Variants in CDH13 observed in about 807,000 individuals in gnomAD.
The protein encoded by CDH13 is cadherin-13.
Under a neutral mutation model 63.8 loss-of-function variants are expected in CDH13, and 24 were observed. The ratio of observed to expected loss-of-function variants is 0.38; its 90% CI spans 0.27 to 0.53. The LOEUF (loss-of-function observed/expected upper bound fraction) is 0.53. Among genes scored for constraint, CDH13 ranks in the 20% least tolerant of loss-of-function variants. The probability of loss-of-function intolerance (pLI) is 0.85; values close to 1 mark genes in which losing one functional copy is unlikely to be tolerated. For synonymous variants in CDH13, 503 were observed against 355.3 expected (o/e 1.42, Z -4.67); for missense variants, 1,049 against 903.1 (o/e 1.16, Z -2.07).
At chr16:83,355,813 C>G (rs1235232612) in intron 6 of CDH13, among the ~76,000 whole-genome samples, 1 of 152,162 alleles carries the variant, frequency 6.6e-6, no homozygotes, top group Admixed American at 6.5e-5. Context: ...GGGAGCATCT[C>G]TCTAGGATTA....
At chr16:83,728,631 C>T (rs1910703452) in intron 10 of CDH13, among the ~76,000 whole-genome samples, 1 of 152,108 alleles carries the variant, frequency 6.6e-6, no homozygotes, top group South Asian at 2.1e-4. Flanking sequence ...GTCTCTCGGC[C>T]TTCAAAGCAC....
At chr16:82,872,906 G>C (rs1253947977) in intron 2 of CDH13, among the ~76,000 whole-genome samples, 1 of 152,212 alleles carries the variant, frequency 6.6e-6, no homozygotes, top group Non-Finnish European at 1.5e-5. Context: ...GATAAAAAAT[G>C]TGCCTCCTGC....
chr16:82,700,363 G>T (rs1002779092), intron 1 of CDH13, among the ~76,000 whole-genome samples: 8 of 152,190 alleles, frequency 5.3e-5, no homozygotes, highest in South Asian at 2.1e-4. Context: ...CGTAAAACGT[G>T]ACCAACGTTC....
At chr16:83,090,614 A>G (rs1031057426) in intron 3 of CDH13, among the ~76,000 whole-genome samples, 1 of 151,780 alleles carries the variant, frequency 6.6e-6, no homozygotes, top group Non-Finnish European at 1.5e-5. Context: ...CTGCTCAAAG[A>G]GAAGTCAGAA....
At chr16:83,786,300 G>A (rs1915873978) in intron 13 of CDH13, among the ~76,000 whole-genome samples, 1 of 152,158 alleles carries the variant, frequency 6.6e-6, no homozygotes, top group African/African-American at 2.4e-5. Flanking sequence ...TGTGTGATAA[G>A]AGCAACGTGT....
At chr16:82,892,509 A>T (rs767733719) in intron 2 of CDH13, among the ~76,000 whole-genome samples, 68 of 152,342 alleles carry the variant, frequency 4.5e-4, no homozygotes, top group Middle Eastern at 3.4e-3. Context: ...ATTTTTGGTA[A>T]ATGACAGTCT....
chr16:82,768,593 C>T (rs2035148669), intron 1 of CDH13, among the ~76,000 whole-genome samples: 1 of 152,158 alleles, frequency 6.6e-6, no homozygotes, highest in African/African-American at 2.4e-5. Flanking sequence ...CTTCTTGCTG[C>T]TCTGGAATTA....
intron 13 of CDH13, among the ~76,000 whole-genome samples, chr16:83,791,411 G>C (rs564686938): frequency 3.1e-4 from 47 of 151,900 alleles, no homozygotes; most frequent in African/African-American, 1.1e-3. Flanking sequence ...CAGGAGAATC[G>C]AGTGAGCTTG....
intron 1 of CDH13, among the ~76,000 whole-genome samples, chr16:82,842,132 ATATATACACATATATAT>A: frequency 2.1e-5 from 1 of 47,950 alleles, no homozygotes; most frequent in African/African-American, 7.2e-5. Flanking sequence ...ATATATATAT[ATATATACACATATATAT>A]ATATATATAT....
intron 7 of CDH13, among the ~76,000 whole-genome samples, chr16:83,518,254 C>T (rs1446814649): frequency 6.6e-6 from 1 of 151,882 alleles, no homozygotes; most frequent in Non-Finnish European, 1.5e-5. Flanking sequence ...TGCCATTCTC[C>T]TGCCTCAGCC....
chr16:83,306,854 TTACCCAG>T (rs1262347439), intron 5 of CDH13, among the ~76,000 whole-genome samples: 2 of 152,056 alleles, frequency 1.3e-5, no homozygotes, highest in African/African-American at 4.8e-5. Context: ...TCTTTGGAAA[TTACCCAG>T]TCTCAGGTAT....
chr16:83,132,453 CT>C (rs566939460), intron 4 of CDH13, among the ~76,000 whole-genome samples: 11,530 of 92,760 alleles, frequency 0.12, 981 homozygotes, highest in African/African-American at 0.2. Flanking sequence ...ACACCCCCCC[CT>C]TTTTTTTTTT....
rs202164201 is a variant in CDH13, at chr16:83,494,134, A to G, written c.960+7479A>G. Among the ~76,000 whole-genome samples the G allele has an allele frequency of 5.3e-5, 8 of 152,304 alleles. No individual in the cohort carries two copies. The East Asian group carries it at 1.5e-3, about 29-fold the overall frequency. Reference sequence around the variant, plus strand: ...TTTAACAAATGTTTAATTCTCTAAGATATTTCTTTTCTTTTTGGTATTTTA... The same window carrying G: ...TTTAACAAATGTTTAATTCTCTAAGGTATTTCTTTTCTTTTTGGTATTTTA... On this transcript the variant is annotated intron_variant, in intron 7 of 13. Transcript: ENST00000567109.
intron 1 of CDH13, among the ~76,000 whole-genome samples, chr16:82,742,505 T>C (rs1024170055): frequency 1.3e-5 from 2 of 152,188 alleles, no homozygotes; most frequent in Non-Finnish European, 2.9e-5. Flanking sequence ...TCTGCTACTT[T>C]TGAGCCTTGA....
At chr16:83,261,395 G>T (rs549351212) in intron 5 of CDH13, among the ~76,000 whole-genome samples, 1 of 152,256 alleles carries the variant, frequency 6.6e-6, no homozygotes. Context: ...ATGAATTTTT[G>T]GTTGTCACAG....
rs543553243 is a variant in CDH13 at position 83,447,561 on chromosome 16, G to A, written c.782-38916G>A. Among the ~76,000 whole-genome samples the A allele has an allele frequency of 3.9e-5, 6 of 152,008 alleles. No homozygotes were observed. The South Asian group carries it at 1.0e-3, about 26-fold the overall frequency. ...CATTGGTGCTGTTTGAGCTGGGCGG[G>A]GCAGATGATACCAGATCTTTAGCAA... On this transcript the variant is annotated intron_variant, in intron 6 of 13. Transcript: ENST00000567109.
intron 4 of CDH13, among the ~76,000 whole-genome samples, chr16:83,161,305 G>C (rs2037433104): frequency 6.6e-6 from 1 of 152,114 alleles, no homozygotes; most frequent in African/African-American, 2.4e-5. Flanking sequence ...TAAGTTCAAT[G>C]TAGTATTCAG....
At chr16:83,044,911 C>G (rs899299870) in intron 3 of CDH13, among the ~76,000 whole-genome samples, 2 of 152,276 alleles carry the variant, frequency 1.3e-5, no homozygotes, top group South Asian at 4.2e-4. Flanking sequence ...TAGGATAGAA[C>G]AAGATAATGT....
intron 3 of CDH13, among the ~76,000 whole-genome samples, chr16:83,104,242 C>T (rs1174853978): frequency 2.0e-5 from 3 of 152,104 alleles, no homozygotes; most frequent in Non-Finnish European, 4.4e-5. Context: ...CTTGTTTTTC[C>T]TGGTGGATCT....
Sources: allele counts gnomAD v4.1 joint callset (sites outside exome capture counted in the v4.1 genomes callset), GRCh38; gene constraint gnomAD v4.1.1; transcripts MANE v1.5; gene names NCBI Gene and HGNC (gene_info 2026-07-23, HGNC 2026-07-21).